The following SON variants were observed in gnomAD, a reference collection of about 807,000 sequenced individuals.
SON encodes the protein protein SON.
Under a neutral mutation model 173.3 loss-of-function variants are expected in SON, and 4 were observed. The observed-to-expected ratio is 0.02, with a 90% CI of 0.01 to 0.05. The LOEUF is 0.05. SON is among the 10% of genes least tolerant of loss of function. The pLI, the probability that SON is intolerant of heterozygous loss-of-function variation, is 1.00. For missense variants in SON, 2,626 were observed against 3,055.3 expected, an observed-to-expected ratio of 0.86 and a Z score of 3.31; for synonymous variants, 1,190 against 1,105.9, an observed-to-expected ratio of 1.08 and a Z score of -1.51.
At position 33,551,886 on chromosome 21, in the gene SON, G is replaced by A. The variant is rs376926165; in HGVS notation, c.2655G>A (p.Met885Ile). 4 of 1,613,966 alleles carry A rather than the reference G, an allele frequency of 2.5e-6. No homozygotes were observed. Among genetic ancestry groups the A allele is most frequent in the Non-Finnish European group, 3.4e-6 (4 of 1,180,006 alleles). ...CTTCTGGCACCATGGATGCTCAGATGTTAGCGTCTGGTACCATGGATGCCC... is the reference window on the plus strand; with the variant it reads ...CTTCTGGCACCATGGATGCTCAGATATTAGCGTCTGGTACCATGGATGCCC... ...MLASGTMDAQ[M>I]LASGTMDAQM... is the part of the protein sequence containing the mutation. The change falls in exon 3 of 12, where the codon ATG becomes ATA. Residue 885 changes from methionine (M) to isoleucine (I), a missense_variant. This residue lies in a region of SON where 366 missense variants were observed against 448.6 expected (regional missense o/e 0.82). Transcript: ENST00000356577.
chr21:33,552,108 T>A lies in SON; in HGVS notation c.2877T>A (p.Thr959=), dbSNP rs200229747. Residue 959 remains threonine, a synonymous_variant, in exon 3 of 12, where the codon ACT becomes ACA. Transcript: ENST00000356577. This position sits in a 1 kb window ranked among gnomAD's most constrained non-coding sequence, Gnocchi z 5.6. ...TAGGCCATGATCCCTACAGACTAACTCCTGATCCCTATAGGATGTCACCTA... is the reference window on the plus strand; with the variant it reads ...TAGGCCATGATCCCTACAGACTAACACCTGATCCCTATAGGATGTCACCTA... ...YRLGHDPYRL[T]PDPYRMSPRP... 2.4e-5 allele frequency: 39 copies of A among 1,613,878 alleles called. No homozygotes were observed. The highest frequency in any genetic ancestry group is 3.3e-4 in the Middle Eastern group (2 of 6,084).
Position 33,553,187 on chromosome 21 carries a change from G to C in SON, c.3956G>C (p.Gly1319Ala). ...ACATTTGATTCCATGAGAGCCTCAG[G>C]ACATGTTGCCTCAGAAGTATCTACA... The part of the protein sequence containing the change: ...AETFDSMRAS[G>A]HVASEVSTSL... The change falls in exon 3 of 12, where the codon GGA (glycine) becomes GCA (alanine). Residue 1319 changes from glycine to alanine, a missense_variant. Physicochemically the swap from Gly to Ala is moderately conservative, Grantham distance 60. Around this residue, in one of 13 missense-constraint regions of SON, gnomAD observed 1,006 missense variants for 895.6 expected, o/e 1.12. Transcript: ENST00000356577. The C allele has an allele frequency of 6.2e-7, 1 of 1,614,126 alleles. No homozygotes were observed. The highest frequency in any genetic ancestry group is 1.6e-4 in the Middle Eastern group (1 of 6,062).
In SON at chr21:33,575,761, A is replaced by G; in HGVS notation, c.7106-17A>G. 1.3e-6 allele frequency: 2 copies of G among 1,576,848 alleles called. No individual in the cohort carries two copies. Among genetic ancestry groups the G allele is most frequent in the Non-Finnish European group, 1.7e-6 (2 of 1,148,104 alleles). ...TGGTGGAAATAATTTAAAACTGGGTATTTCTCCCCCCTGCAGGCAAACATC... is the reference window on the plus strand; with the variant it reads ...TGGTGGAAATAATTTAAAACTGGGTGTTTCTCCCCCCTGCAGGCAAACATC... On this transcript the variant is annotated splice_polypyrimidine_tract_variant and intron_variant, in intron 10 of 11. Coordinates refer to ENST00000356577, the MANE Select transcript of SON (RefSeq NM_138927.4).
intron 4 of SON, 172 bp downstream of exon 4, chr21:33,557,488 T>C: frequency 6.4e-7 from 1 of 1,551,054 alleles, no homozygotes; most frequent in Non-Finnish European, 8.7e-7. Context: ...CAGGCCATTA[T>C]CCGGGATGGC....
chr21:33,552,943 T>G lies in SON; in HGVS notation c.3712T>G (p.Ser1238Ala). 6.2e-7 allele frequency: 1 copy of G among 1,614,150 alleles called. No homozygotes were observed. The highest frequency in any genetic ancestry group is 8.5e-7 in the Non-Finnish European group (1 of 1,180,018). Residue 1238 changes from serine (S) to alanine (A), a missense_variant, in exon 3 of 12, where the codon TCA becomes GCA. By Grantham distance (99) the Ser-to-Ala change is moderately conservative (BLOSUM62 1). Transcript: ENST00000356577. The surrounding 1 kb of genome is among the most constrained non-coding windows in gnomAD (Gnocchi z 5.6). The stretch of plus-strand genomic sequence containing the variant: ...TTATTCAGTGTCAGCATCAGATCCC[T>G]CAGTTTTAGTATCAGAGGCTGCTGT... ...TDYSVSASDPSVLVSEAAVTV... is the reference protein window; with the variant it reads ...TDYSVSASDPAVLVSEAAVTV...
Position 33,550,470 on chromosome 21 carries a change from G to A in SON, c.1239G>A (p.Val413=). The part of the protein sequence containing the change: ...LELPGPSATP[V]PELPGPLSTP... Reference sequence around the variant, plus strand: ...TACCTGGGCCCTCTGCTACCCCGGTGCCAGAGTTGCCAGGGCCCCTTTCTA... The same window carrying A: ...TACCTGGGCCCTCTGCTACCCCGGTACCAGAGTTGCCAGGGCCCCTTTCTA... The change falls in exon 3 of 12, where the codon GTG becomes GTA. Residue 413 remains valine, a synonymous_variant. Coordinates refer to ENST00000356577, the MANE Select transcript of SON (RefSeq NM_138927.4). The A allele has an allele frequency of 6.2e-7, 1 of 1,613,992 alleles. No individual in the cohort carries two copies. The highest frequency in any genetic ancestry group is 8.5e-7 in the Non-Finnish European group (1 of 1,179,988).
chr21:33,544,779 TC>T (rs2085575539), intron 1 of SON, among the ~76,000 whole-genome samples: 1 of 152,232 alleles, frequency 6.6e-6, no homozygotes, highest in African/African-American at 2.4e-5. Context: ...AATCATTACT[TC>T]CTTGTAGATT....
chr21:33,576,010 G>A (rs1197055145), intron 11 of SON, 117 bp downstream of exon 11: 4 of 578,030 alleles, frequency 6.9e-6, no homozygotes, highest in East Asian at 5.8e-5. Flanking sequence ...GTTTGTATTT[G>A]TAGTTAAGTG....
At chr21:33,561,105 A>G (rs2086062499) in intron 6 of SON, among the ~76,000 whole-genome samples, 1 of 152,198 alleles carries the variant, frequency 6.6e-6, no homozygotes, top group Non-Finnish European at 1.5e-5. Context: ...CTGTACAATG[A>G]AGCTGGACAT....
At position 33,551,012 on chromosome 21, in the gene SON, T is replaced by G; in HGVS notation, c.1781T>G (p.Leu594Arg). 6.2e-7 allele frequency: 1 copy of G among 1,607,950 alleles called. No individual in the cohort carries two copies. The highest frequency in any genetic ancestry group is 8.5e-7 in the Non-Finnish European group (1 of 1,176,540). The change falls in exon 3 of 12, where the codon CTA becomes CGA. Residue 594 changes from leucine (L) to arginine (R), a missense_variant. Coordinates refer to ENST00000356577, the MANE Select transcript of SON (RefSeq NM_138927.4). ...GGGCAGCCTGTGGCAACTGGGGCACTAGAGTTGCCTGGGCCGCTCATGGCA... is the reference window on the plus strand; with the variant it reads ...GGGCAGCCTGTGGCAACTGGGGCACGAGAGTTGCCTGGGCCGCTCATGGCA... ...LSGQPVATGA[L>R]ELPGPLMAAG...
chr21:33,548,273 T>C (rs963770042), intron 2 of SON, among the ~76,000 whole-genome samples: 2 of 151,776 alleles, frequency 1.3e-5, no homozygotes, highest in Admixed American at 1.3e-4. Flanking sequence ...TTAGTGGTTT[T>C]AGAATAGTAT....
rs765166211 is a variant in SON, at chr21:33,546,279, T to C, written c.144T>C (p.Asp48=). The C allele has an allele frequency of 6.2e-7, 1 of 1,613,604 alleles. No individual in the cohort carries two copies. Among genetic ancestry groups the C allele is most frequent in the South Asian group, 1.1e-5 (1 of 91,034 alleles). Residue 48 remains aspartate, a synonymous_variant, in exon 2 of 12, where the codon GAT becomes GAC. Coordinates refer to ENST00000356577, the MANE Select transcript of SON (RefSeq NM_138927.4). ...CCATTGAAGGAAACCAGGCGGGTGATGCAGCTGCCTCTGCCAGGAGTCTAC... is the reference window on the plus strand; with the variant it reads ...CCATTGAAGGAAACCAGGCGGGTGACGCAGCTGCCTCTGCCAGGAGTCTAC... The part of the protein sequence containing the change: ...NTPIEGNQAG[D]AAASARSLPN...
chr21:33,573,704 A>G (rs935674653), intron 9 of SON, among the ~76,000 whole-genome samples: 8 of 152,228 alleles, frequency 5.3e-5, no homozygotes, highest in Non-Finnish European at 1.0e-4. Flanking sequence ...GGAAATGTGT[A>G]TATATCTAAT....
At position 33,554,260 on chromosome 21, in the gene SON, A is replaced by G. The variant is rs141495709; in HGVS notation, c.5029A>G (p.Lys1677Glu). The G allele has an allele frequency of 7.4e-6, 12 of 1,614,016 alleles. No individual in the cohort carries two copies. The African/African-American group carries it at 1.6e-4, about 22-fold the overall frequency. The change falls in exon 3 of 12, where the codon AAG (lysine) becomes GAG (glutamate). Residue 1677 changes from lysine (K) to glutamate (E), a missense_variant. Lys to Glu is a moderately conservative substitution (Grantham distance 56). Around this residue, in one of 13 missense-constraint regions of SON, gnomAD observed 1,006 missense variants for 895.6 expected, o/e 1.12. Transcript: ENST00000356577. ...ACCATCTAATAATAACCTTGTTAGT[A>G]AGGATACAGAAGAACCATTACCTGT... is the stretch of plus-strand genomic sequence containing the variant. ...DLPSNNNLVSKDTEEPLPVKE... is the reference protein window; with the variant it reads ...DLPSNNNLVSEDTEEPLPVKE...
At position 33,553,355 on chromosome 21, in the gene SON, T is replaced by C; in HGVS notation, c.4124T>C (p.Val1375Ala). 1 of 1,612,028 alleles carries C rather than the reference T, an allele frequency of 6.2e-7. No individual in the cohort carries two copies. Among genetic ancestry groups the C allele is most frequent in the Non-Finnish European group, 8.5e-7 (1 of 1,178,072 alleles). ...VTVLESSTVT[V>A]LESSTVTVLE... The stretch of plus-strand genomic sequence containing the variant: ...GTCCTGGAGTCTTCGACTGTGACTG[T>C]CCTGGAGTCTTCGACTGTAACTGTC... The change falls in exon 3 of 12, where the codon GTC (valine) becomes GCC (alanine). Residue 1375 changes from valine (V) to alanine (A), a missense_variant. Val to Ala is a moderately conservative substitution (Grantham distance 64). Transcript: ENST00000356577.
At position 33,554,137 on chromosome 21, in the gene SON, G is replaced by C; in HGVS notation, c.4906G>C (p.Asp1636His). The C allele has an allele frequency of 6.2e-7, 1 of 1,614,078 alleles. No individual in the cohort carries two copies. Residue 1636 changes from aspartate (D) to histidine (H), a missense_variant, in exon 3 of 12, where the codon GAT becomes CAT. By Grantham distance (81) the Asp-to-His change is moderately conservative (BLOSUM62 -1). Around this residue, in one of 13 missense-constraint regions of SON, gnomAD observed 1,006 missense variants for 895.6 expected, o/e 1.12. Transcript: ENST00000356577. ...TGTTGATTTATCTTTAACTACTCAA[G>C]ATACTGAACATGACATGGTAATTTC... ...YDVDLSLTTQ[D>H]TEHDMVISTS...
At position 33,555,157 on chromosome 21, in the gene SON, C is replaced by T. The variant is rs1340620081; in HGVS notation, c.5926C>T (p.Arg1976Cys). 3.3e-6 allele frequency: 5 copies of T among 1,514,016 alleles called. No individual in the cohort carries two copies. The highest frequency in any genetic ancestry group is 5.4e-5 in the East Asian group (2 of 37,028). 93.8% of individuals were successfully genotyped at this position (1,514,016 alleles called of 1,614,324 possible). A position where few individuals can be genotyped will look rare whatever the true frequency, so the allele number is the denominator to read the frequency against. Residue 1976 changes from arginine (R) to cysteine (C), a missense_variant, in exon 3 of 12, where the codon CGC becomes TGC. Arg to Cys is a radical substitution (Grantham distance 180). Transcript: ENST00000356577. ...TPSRRSRTPSRRSRTPSRRSR... is the reference protein window; with the variant it reads ...TPSRRSRTPSCRSRTPSRRSR... ...CAGCCGCCGCAGCCGCACCCCCAGC[C>T]GCCGCAGCCGCACCCCCAGCCGCCG...
intron 6 of SON, among the ~76,000 whole-genome samples, chr21:33,566,060 T>C (rs2086165125): frequency 1.3e-5 from 2 of 152,304 alleles, no homozygotes; most frequent in East Asian, 1.9e-4. Context: ...TAATTACAGC[T>C]AGCCTCTACT....
Position 33,553,810 on chromosome 21 carries a change from G to A in SON, c.4579G>A (p.Glu1527Lys). Residue 1527 changes from glutamate to lysine, a missense_variant, in exon 3 of 12, where the codon GAA (glutamate) becomes AAA (lysine). Around this residue, in one of 13 missense-constraint regions of SON, gnomAD observed 1,006 missense variants for 895.6 expected, o/e 1.12. Coordinates refer to ENST00000356577, the MANE Select transcript of SON (RefSeq NM_138927.4). Reference sequence around the variant, plus strand: ...CCTGAAAGGTGACTTTTACGAAAGTGAACATGGTATAAATATAGACCTTAA... The same window carrying A: ...CCTGAAAGGTGACTTTTACGAAAGTAAACATGGTATAAATATAGACCTTAA... ...EHLKGDFYES[E>K]HGINIDLNIN... The A allele has an allele frequency of 6.2e-7, 1 of 1,614,018 alleles. No homozygotes were observed. The highest frequency in any genetic ancestry group is 8.5e-7 in the Non-Finnish European group (1 of 1,179,966).
Sources: gnomAD v4.1 joint callset for allele counts (sites outside exome capture counted in the v4.1 genomes callset) on GRCh38, gnomAD v4.1.1 for gene constraint, gnomAD v4.1.1 regional missense constraint, Gnocchi (gnomAD v3.1) non-coding constraint, MANE v1.5 for transcripts, NCBI Gene and HGNC (gene_info 2026-07-23, HGNC 2026-07-21) for gene names.